BMI1: variants seen among roughly 807,000 people sequenced by gnomAD.
BMI1 encodes the protein BMI1 proto-oncogene, polycomb ring finger.
Under a neutral mutation model 39.1 loss-of-function variants are expected in BMI1, and 9 were observed. The ratio of observed to expected loss-of-function variants is 0.23; its 90% CI spans 0.14 to 0.40. The LOEUF (loss-of-function observed/expected upper bound fraction) is 0.40, where lower values mean the gene tolerates loss of function less well. Among genes scored for constraint, BMI1 ranks in the 10% least tolerant of loss-of-function variants. The probability of loss-of-function intolerance (pLI) is 1.00; values close to 1 mark genes in which losing one functional copy is unlikely to be tolerated. For synonymous variants in BMI1, 131 were observed against 127.9 expected (o/e 1.02, Z -0.16); for missense variants, 252 against 390.8 (o/e 0.64, Z 2.99).
rs1436434989 is a variant in BMI1 at position 22,330,876 on chromosome 10, T to C, written c.*1334T>C. 6.6e-6 allele frequency: 1 copy of C among 152,564 alleles called. No individual in the cohort carries two copies. The highest frequency in any genetic ancestry group is 1.5e-5 in the Non-Finnish European group (1 of 67,978). The allele number at this position is 152,564 out of a possible 1,614,324, so 9.5% of individuals were successfully genotyped here. A position where few individuals can be genotyped will look rare whatever the true frequency, so the allele number is the denominator to read the frequency against. On this transcript the variant is annotated 3_prime_UTR_variant, in exon 10 of 10. Coordinates refer to ENST00000376663, the MANE Select transcript of BMI1 (RefSeq NM_005180.9). The stretch of plus-strand genomic sequence containing the variant: ...CCCACCCAACAATTTTCAGTTTATT[T>C]TTTGCTTTGGTCGAACTTGGTGTGT...
rs1043777365 is a variant in BMI1 at position 22,331,101 on chromosome 10, T to C, written c.*1559T>C. 9 of 152,720 alleles carry C rather than the reference T, an allele frequency of 5.9e-5. No individual in the cohort carries two copies. The highest frequency in any genetic ancestry group is 2.1e-4 in the South Asian group (1 of 4,834). 9.5% of individuals were successfully genotyped at this position (152,720 alleles called of 1,614,324 possible). On this transcript the variant is annotated 3_prime_UTR_variant, in exon 10 of 10. Transcript: ENST00000376663. The stretch of plus-strand genomic sequence containing the variant: ...GTTACTTCTGCTTTCTTTAAAAATA[T>C]AGTAAAGGATGTTTTATGAAGTCAC...
chr10:22,325,512 C>A (rs1053173606), intron 1 of BMI1: 1 of 150,974 alleles, frequency 6.6e-6, no homozygotes, highest in African/African-American at 2.4e-5. Flanking sequence ...GGTCCCCGAT[C>A]CCCGCTCCCC....
At position 22,331,402 on chromosome 10, in the gene BMI1, G is replaced by C. The variant is rs1293420561; in HGVS notation, c.*1860G>C. Reference sequence around the variant, plus strand: ...GATGTGGCTAAGAAGTACATGCTTTGTTGTAAAATTGCTTGAAAGCCCATT... The same window carrying C: ...GATGTGGCTAAGAAGTACATGCTTTCTTGTAAAATTGCTTGAAAGCCCATT... On this transcript the variant is annotated 3_prime_UTR_variant, in exon 10 of 10. Transcript: ENST00000376663. 6.6e-6 allele frequency: 1 copy of C among 152,106 alleles called. No individual in the cohort carries two copies. The highest frequency in any genetic ancestry group is 1.9e-4 in the East Asian group (1 of 5,200). The allele number at this position is 152,106 out of a possible 1,614,324, so 9.4% of individuals were successfully genotyped here.
chr10:22,323,626 G>C (rs1836062973), intron 1 of BMI1, among the ~76,000 whole-genome samples: 2 of 152,366 alleles, frequency 1.3e-5, no homozygotes, highest in Middle Eastern at 3.4e-3. Context: ...TAGGCAAGCT[G>C]ATGGTTAACA....
chr10:22,328,578 A>G (rs760983229), intron 7 of BMI1, 22 bp from the exon 8 acceptor site: 17 of 1,577,876 alleles, frequency 1.1e-5, no homozygotes, highest in Non-Finnish European at 1.3e-5. Flanking sequence ...TGAAAAAGTT[A>G]CTTTTCTAAA....
intron 3 of BMI1, 58 bp downstream of exon 3, chr10:22,327,044 G>T: frequency 1.3e-6 from 2 of 1,566,696 alleles, no homozygotes; most frequent in Non-Finnish European, 8.7e-7. Context: ...ATAATTTACT[G>T]AAGGCAACCC....
At position 22,330,166 on chromosome 10, in the gene BMI1, T is replaced by C. The variant is rs1315743305; in HGVS notation, c.*624T>C. On this transcript the variant is annotated 3_prime_UTR_variant, in exon 10 of 10. Transcript: ENST00000376663. ...GCCTAAAAGCGGGTACTACCGTTTA[T>C]TTTACTGACTTGTTTAAATGATTCG... The C allele has an allele frequency of 6.5e-6, 1 of 153,012 alleles. No homozygotes were observed. Among genetic ancestry groups the C allele is most frequent in the African/African-American group, 2.4e-5 (1 of 41,470 alleles). The allele number at this position is 153,012 out of a possible 1,614,324, so 9.5% of individuals were successfully genotyped here. A position where few individuals can be genotyped will look rare whatever the true frequency, so the allele number is the denominator to read the frequency against.
chr10:22,321,784 G>C (rs1836004880), intron 1 of BMI1, 88 bp downstream of exon 1: 2 of 143,772 alleles, frequency 1.4e-5, no homozygotes, highest in Admixed American at 6.8e-5. Context: ...TGGAAGGGGA[G>C]CCCCCCCCGC....
At chr10:22,327,022 TA>T in intron 3 of BMI1, 36 bp downstream of exon 3, 1 of 1,601,442 alleles carries the variant, frequency 6.2e-7, no homozygotes, top group South Asian at 1.1e-5. Flanking sequence ...TTGTAATTAT[TA>T]TTGGAGTTGT....
In BMI1 at chr10:22,326,799, ATCTTGT is replaced by A. The variant is rs1158441176; in HGVS notation, c.113-89_113-84del. 13 of 1,495,772 alleles carry A rather than the reference ATCTTGT, an allele frequency of 8.7e-6. No homozygotes were observed. In the African/African-American group the frequency reaches 1.8e-4, roughly 21 times the overall value. 92.7% of individuals were successfully genotyped at this position (1,495,772 alleles called of 1,614,324 possible). On this transcript the variant is annotated intron_variant, in intron 2 of 9. Coordinates refer to ENST00000376663, the MANE Select transcript of BMI1 (RefSeq NM_005180.9). ...TATTTAGTTGGAAATGCCTTTCACC[ATCTTGT>A]TTTCTACTAGTTCTGGGTTTCTAAC...
intron 3 of BMI1, 26 bp downstream of exon 3, chr10:22,327,012 T>G (rs1412159502): frequency 1.2e-6 from 2 of 1,605,294 alleles, no homozygotes; most frequent in Non-Finnish European, 8.5e-7. Flanking sequence ...AATTCCTTGT[T>G]TGTAATTATT....
intron 3 of BMI1, 115 bp downstream of exon 3, chr10:22,327,101 T>G (rs1223941284): frequency 1.7e-6 from 2 of 1,186,220 alleles, no homozygotes; most frequent in Admixed American, 4.5e-5. Flanking sequence ...ATAACTAATA[T>G]GTGTGTGCTT....
chr10:22,323,630 G>T (rs1254296284), intron 1 of BMI1, among the ~76,000 whole-genome samples: 2 of 152,214 alleles, frequency 1.3e-5, no homozygotes, highest in Non-Finnish European at 2.9e-5. Context: ...CAAGCTGATG[G>T]TTAACATAAG....
Position 22,329,601 on chromosome 10 carries a change from G to T in BMI1, c.*59G>T. 3.9e-6 allele frequency: 6 copies of T among 1,537,978 alleles called. No homozygotes were observed. The highest frequency in any genetic ancestry group is 1.9e-5 in the Admixed American group (1 of 51,584). On this transcript the variant is annotated 3_prime_UTR_variant, in exon 10 of 10. Transcript: ENST00000376663. Reference sequence around the variant, plus strand: ...CCCTGATTTATATAGATATCTTCATGCCATTACAGCTTTCTAGATGCTAAT... The same window carrying T: ...CCCTGATTTATATAGATATCTTCATTCCATTACAGCTTTCTAGATGCTAAT...
chr10:22,330,928 G>A lies in BMI1; in HGVS notation c.*1386G>A, dbSNP rs1254012817. 2 of 152,494 alleles carry A rather than the reference G, an allele frequency of 1.3e-5. No homozygotes were observed. The highest frequency in any genetic ancestry group is 2.1e-4 in the South Asian group (1 of 4,832). The allele number at this position is 152,494 out of a possible 1,614,324, so 9.4% of individuals were successfully genotyped here. On this transcript the variant is annotated 3_prime_UTR_variant, in exon 10 of 10. Transcript: ENST00000376663. ...TTCATCACCCATCAGTTATTTGTGA[G>A]GGTGTTTATTCTATATGAATATTGT...
In BMI1 at chr10:22,326,545, A is replaced by C. The variant is rs754560673; in HGVS notation, c.96A>C (p.Ile32=). 1.2e-6 allele frequency: 2 copies of C among 1,614,130 alleles called. No homozygotes were observed. The highest frequency in any genetic ancestry group is 1.1e-5 in the South Asian group (1 of 91,082). ...GGYFIDATTI[I]ECLHSFCKTC... ...ACTTCATTGATGCCACAACCATAAT[A>C]GAATGTCTACATTCCTGTAAGTACC... Residue 32 remains isoleucine (I), a synonymous_variant, in exon 2 of 10, where the codon ATA becomes ATC. Coordinates refer to ENST00000376663, the MANE Select transcript of BMI1 (RefSeq NM_005180.9).
At chr10:22,326,282 T>C in intron 1 of BMI1, 149 bp from the exon 2 acceptor site, 1 of 1,060,102 alleles carries the variant, frequency 9.4e-7, no homozygotes, top group Admixed American at 2.7e-5. Flanking sequence ...TCCGATCTGA[T>C]GAGTAAATTC....
At chr10:22,328,909 T>G in intron 8 of BMI1, 139 bp from the exon 9 acceptor site, 1 of 1,060,082 alleles carries the variant, frequency 9.4e-7, no homozygotes, top group Non-Finnish European at 1.3e-6. Context: ...TTTTTTCTCA[T>G]TTGAAGTTTC....
At chr10:22,325,635 C>A (rs1421114710) in intron 1 of BMI1, 3 of 146,496 alleles carry the variant, frequency 2.0e-5, no homozygotes, top group Non-Finnish European at 4.5e-5. Flanking sequence ...CCCCGCCCGC[C>A]CGCCCGCCCG....
Sources: allele counts gnomAD v4.1 joint callset (sites outside exome capture counted in the v4.1 genomes callset), GRCh38; gene constraint gnomAD v4.1.1; transcripts MANE v1.5; gene names NCBI Gene and HGNC (gene_info 2026-07-23, HGNC 2026-07-21).